The following AFF2 variants were observed in gnomAD, a reference collection of about 807,000 sequenced individuals.
The protein encoded by AFF2 is AF4/FMR2 family member 2.
Under a neutral mutation model 76.9 loss-of-function variants are expected in AFF2, and 14 were observed. The ratio of observed to expected loss-of-function variants is 0.18; its 90% CI spans 0.12 to 0.28. The LOEUF (loss-of-function observed/expected upper bound fraction) is 0.28. AFF2 is among the 10% of genes least tolerant of loss of function. The pLI, the probability that AFF2 is intolerant of heterozygous loss-of-function variation, is 1.00. For synonymous variants in AFF2, 398 were observed against 366.7 expected (o/e 1.09, Z -0.98); for missense variants, 868 against 1,001.1 (o/e 0.87, Z 1.79).
intron 1 of AFF2, among the ~76,000 whole-genome samples, chrX:148,615,953 T>C (rs2053795039): frequency 8.9e-6 from 1 of 111,959 alleles, no homozygotes; most frequent in Admixed American, 9.5e-5. Context: ...TGAAGCCATA[T>C]ATTTGTAAAT....
intron 1 of AFF2, among the ~76,000 whole-genome samples, chrX:148,518,946 C>T (rs1196031425): frequency 1.8e-5 from 2 of 111,705 alleles, no homozygotes; most frequent in East Asian, 5.6e-4. Flanking sequence ...ATACAACAAA[C>T]CATGAAAACA....
At chrX:148,831,593 G>A (rs1038990269) in intron 4 of AFF2, among the ~76,000 whole-genome samples, 2 of 111,941 alleles carry the variant, frequency 1.8e-5, no homozygotes, top group Non-Finnish European at 3.8e-5. Flanking sequence ...GCAGATAAGG[G>A]TGCTAATGCC....
chrX:148,718,083 T>C (rs1429563517), intron 3 of AFF2, among the ~76,000 whole-genome samples: 3 of 109,221 alleles, frequency 2.7e-5, no homozygotes, highest in Non-Finnish European at 3.8e-5. Context: ...TATAAAGGAG[T>C]GTGGACTTAC....
chrX:148,904,741 G>T (rs1213980780), intron 9 of AFF2, among the ~76,000 whole-genome samples: 9 of 111,844 alleles, frequency 8.0e-5, no homozygotes, highest in African/African-American at 2.9e-4. Flanking sequence ...CTTAACTAAA[G>T]GCTTTTCTTT....
At position 148,995,478 on chromosome X, in the gene AFF2, T is replaced by TGGGGGGTGGGGGTG. The variant is rs1168953713; in HGVS notation, c.*4151_*4152insGTGGGGGTGGGGGG. The stretch of plus-strand genomic sequence containing the variant: ...CATTGTGGGGAGGGCAGAAAGGGGG[T>TGGGGGGTGGGGGTG]GGGGGTGGGGGCGGGGGGGTGGGGG... On this transcript the variant is annotated 3_prime_UTR_variant, in exon 21 of 21. Transcript: ENST00000370460. The TGGGGGGTGGGGGTG allele has an allele frequency of 2.6e-4, 4 of 15,545 alleles. No individual in the cohort carries two copies. In the Admixed American group the frequency reaches 4.6e-3, roughly 18 times the overall value. 1.3% of individuals were successfully genotyped at this position (15,545 alleles called of 1,213,427 possible). A position where few individuals can be genotyped will look rare whatever the true frequency, so the allele number is the denominator to read the frequency against.
chrX:148,579,398 A>G lies in AFF2; in HGVS notation c.48-72601A>G, dbSNP rs2053329033. On this transcript the variant is annotated intron_variant, in intron 1 of 20. Coordinates refer to ENST00000370460, the MANE Select transcript of AFF2 (RefSeq NM_002025.4). ...GTTTTACCTGAGATGCGCATGCACA[A>G]TTTTCTCTGAGTTCAATGCAAGGCC... Among the ~76,000 whole-genome samples the G allele has an allele frequency of 3.6e-5, 4 of 111,401 alleles. No individual in the cohort carries two copies. The Admixed American group carries it at 3.8e-4, about 11-fold the overall frequency.
chrX:148,925,227 A>G lies in AFF2; in HGVS notation c.1397+20969A>G, dbSNP rs184538011. On this transcript the variant is annotated intron_variant, in intron 9 of 20. Coordinates refer to ENST00000370460, the MANE Select transcript of AFF2 (RefSeq NM_002025.4). ...AAACTTAAGAATATTCAGCGGTGTTATCCCAAATCTTAAAGAAACCATTAT... is the reference window on the plus strand; with the variant it reads ...AAACTTAAGAATATTCAGCGGTGTTGTCCCAAATCTTAAAGAAACCATTAT... Among the ~76,000 whole-genome samples the G allele has an allele frequency of 7.1e-5, 8 of 112,518 alleles. No individual in the cohort carries two copies. The East Asian group carries it at 2.2e-3, about 31-fold the overall frequency.
intron 1 of AFF2, among the ~76,000 whole-genome samples, chrX:148,607,609 A>G (rs2053685102): frequency 9.0e-6 from 1 of 111,562 alleles, no homozygotes; most frequent in East Asian, 2.9e-4. Context: ...TCATAGCAGT[A>G]TGAAAATGGA....
chrX:148,835,484 C>CTT lies in AFF2; in HGVS notation c.1087-2145_1087-2144dup, dbSNP rs11354092. 5.6e-3 allele frequency among the ~76,000 whole-genome samples: 332 copies of CTT among 58,931 alleles called. 7 individuals are homozygous for CTT. Among genetic ancestry groups the CTT allele is most frequent in the African/African-American group, 0.017 (319 of 18,602 alleles). 51.2% of individuals were successfully genotyped at this position (58,931 alleles called of 115,157 possible). On this transcript the variant is annotated intron_variant, in intron 4 of 20. Coordinates refer to ENST00000370460, the MANE Select transcript of AFF2 (RefSeq NM_002025.4). ...ATTTACATATCCATCACGTCACATA[C>CTT]TTTTTTTTTTTTTTTTTTTGAGATG...
At chrX:148,910,773 A>G (rs941051212) in intron 9 of AFF2, among the ~76,000 whole-genome samples, 5 of 111,830 alleles carry the variant, frequency 4.5e-5, no homozygotes, top group Admixed American at 3.8e-4. Flanking sequence ...AGAGATTCAC[A>G]TGGTAGAGTC....
chrX:148,774,661 A>G lies in AFF2; in HGVS notation c.1042-35215A>G, dbSNP rs546073176. ...TAATAGCAACCTGTGCAATTCTTCC[A>G]GAATACTCACTCTCTCCGTCTTACT... On this transcript the variant is annotated intron_variant, in intron 3 of 20. Transcript: ENST00000370460. 1.4e-4 allele frequency among the ~76,000 whole-genome samples: 16 copies of G among 111,761 alleles called. No homozygotes were observed. In the South Asian group the frequency reaches 6.0e-3, roughly 42 times the overall value.
At chrX:148,872,780 A>G (rs1387068481) in intron 7 of AFF2, among the ~76,000 whole-genome samples, 2 of 111,724 alleles carry the variant, frequency 1.8e-5, no homozygotes, top group African/African-American at 6.5e-5. Context: ...ATATCCTCAC[A>G]TGGTAGAAAG....
chrX:148,915,310 C>T (rs1425612002), intron 9 of AFF2, among the ~76,000 whole-genome samples: 1 of 112,457 alleles, frequency 8.9e-6, no homozygotes, highest in Non-Finnish European at 1.9e-5. Context: ...TCAGCATACC[C>T]TCATGCACCA....
intron 3 of AFF2, among the ~76,000 whole-genome samples, chrX:148,779,745 C>T (rs2069717377): frequency 8.9e-6 from 1 of 112,073 alleles, no homozygotes; most frequent in Admixed American, 9.4e-5. Flanking sequence ...AGCCCGTTTA[C>T]ATTTAAGGTT....
chrX:148,781,322 C>G (rs1328305445), intron 3 of AFF2, among the ~76,000 whole-genome samples: 3 of 112,358 alleles, frequency 2.7e-5, no homozygotes, highest in African/African-American at 9.7e-5. Flanking sequence ...AAGCTGCGCC[C>G]ACAGCTGCCC....
intron 3 of AFF2, among the ~76,000 whole-genome samples, chrX:148,769,919 G>A (rs2069565716): frequency 9.0e-6 from 1 of 111,350 alleles, no homozygotes; most frequent in African/African-American, 3.3e-5. Context: ...CTGCTGCTGG[G>A]GGCAGAGCTT....
intron 3 of AFF2, among the ~76,000 whole-genome samples, chrX:148,736,045 T>C (rs2055280884): frequency 8.9e-6 from 1 of 112,209 alleles, no homozygotes; most frequent in South Asian, 3.7e-4. Context: ...TGTTCCATGA[T>C]TTTGCAATTG....
intron 4 of AFF2, among the ~76,000 whole-genome samples, chrX:148,826,880 T>C (rs1382515959): frequency 9.0e-6 from 1 of 111,486 alleles, no homozygotes; most frequent in Non-Finnish European, 1.9e-5. Context: ...GTAGTGGTTT[T>C]GATGTTGTTA....
At chrX:148,774,685 C>T (rs1387717789) in intron 3 of AFF2, among the ~76,000 whole-genome samples, 31 of 111,795 alleles carry the variant, frequency 2.8e-4, no homozygotes, top group Non-Finnish European at 1.9e-5. Context: ...CTCCGTCTTA[C>T]TTATATTTTT....
Sources: allele counts gnomAD v4.1 joint callset (sites outside exome capture counted in the v4.1 genomes callset), GRCh38; gene constraint gnomAD v4.1.1; transcripts MANE v1.5; gene names NCBI Gene and HGNC (gene_info 2026-07-23, HGNC 2026-07-21).